PAG1: variants seen among roughly 807,000 people sequenced by gnomAD.
PAG1 encodes phosphoprotein membrane anchor with glycosphingolipid microdomains 1, also known as phosphoprotein associated with glycosphingolipid-enriched microdomains 1.
PAG1 carries 23 observed loss-of-function variants against 31.7 expected under a neutral mutation model. The ratio of observed to expected loss-of-function variants is 0.73; its 90% CI spans 0.52 to 1.03. The LOEUF is 1.03. Among genes scored for constraint, PAG1 ranks in the 50% least tolerant of loss-of-function variants. The probability of loss-of-function intolerance (pLI) is 0.00; values close to 1 mark genes in which losing one functional copy is unlikely to be tolerated. For missense variants in PAG1, 473 were observed against 540.7 expected (o/e 0.87, Z 1.24); for synonymous variants, 214 against 210.3 (o/e 1.02, Z -0.15).
In PAG1 at chr8:80,973,429, T is replaced by C. The variant is rs545256687; in HGVS notation, c.*3115A>G. 6.6e-6 allele frequency: 1 copy of C among 152,312 alleles called. No homozygotes were observed. The highest frequency in any genetic ancestry group is 1.5e-5 in the Non-Finnish European group (1 of 68,014). 9.4% of individuals were successfully genotyped at this position (152,312 alleles called of 1,614,324 possible). ...ACAGGTTACCCTTTCCTGCTGACTA[T>C]ACTTAAGAAATACCAAAGTAGCATA... On this transcript the variant is annotated 3_prime_UTR_variant, in exon 9 of 9. Coordinates refer to ENST00000220597, the MANE Select transcript of PAG1 (RefSeq NM_018440.4).
chr8:80,992,534 G>C (rs913504762), intron 4 of PAG1, among the ~76,000 whole-genome samples: 1 of 152,170 alleles, frequency 6.6e-6, no homozygotes, highest in African/African-American at 2.4e-5. Context: ...GATTTCTCTT[G>C]TTGGGGGTAC....
rs146584093 is a variant in PAG1, at chr8:80,994,570, C to A, written c.-80-1263G>T. Among the ~76,000 whole-genome samples the A allele has an allele frequency of 4.6e-3, 700 of 152,246 alleles. 4 individuals carry two copies. The highest frequency in any genetic ancestry group is 0.013 in the African/African-American group (520 of 41,536). On this transcript the variant is annotated intron_variant, in intron 3 of 8. Transcript: ENST00000220597. Reference sequence around the variant, plus strand: ...CCTGAGTGTCACAGGAGCTAAGTGGCAGGGAGGGATGAGTCCAGCTGTCTC... The same window carrying A: ...CCTGAGTGTCACAGGAGCTAAGTGGAAGGGAGGGATGAGTCCAGCTGTCTC...
chr8:80,976,932 A>G, intron 8 of PAG1, 26 bp from the exon 9 acceptor site: 6 of 1,570,622 alleles, frequency 3.8e-6, no homozygotes, highest in Non-Finnish European at 5.2e-6. Flanking sequence ...AGAGTTGAAT[A>G]AACTTCCAGC....
At chr8:81,006,637 T>C (rs1807882180) in intron 3 of PAG1, among the ~76,000 whole-genome samples, 1 of 152,192 alleles carries the variant, frequency 6.6e-6, no homozygotes, top group Non-Finnish European at 1.5e-5. Context: ...TGAACATCTT[T>C]AAAATCACAC....
At chr8:81,027,681 G>A (rs187523805) in intron 3 of PAG1, among the ~76,000 whole-genome samples, 5 of 152,156 alleles carry the variant, frequency 3.3e-5, no homozygotes, top group East Asian at 1.9e-4. Flanking sequence ...CGAGGCAGGC[G>A]GATCACGAAG....
intron 1 of PAG1, among the ~76,000 whole-genome samples, chr8:81,077,754 G>A (rs74641813): frequency 6.6e-6 from 1 of 152,176 alleles, no homozygotes; most frequent in Non-Finnish European, 1.5e-5. Flanking sequence ...TGGAGTAAAG[G>A]TTTGAAAATA....
chr8:81,064,806 C>T (rs577873761), intron 2 of PAG1, among the ~76,000 whole-genome samples: 2 of 152,270 alleles, frequency 1.3e-5, no homozygotes, highest in Middle Eastern at 3.4e-3. Context: ...GGGAAAAACT[C>T]GAAGACACTG....
At chr8:81,013,132 T>C (rs1170202921) in intron 3 of PAG1, among the ~76,000 whole-genome samples, 1 of 152,230 alleles carries the variant, frequency 6.6e-6, no homozygotes, top group Non-Finnish European at 1.5e-5. Flanking sequence ...TGCCAAATTA[T>C]GGTAACCACA....
intron 1 of PAG1, among the ~76,000 whole-genome samples, chr8:81,075,151 G>T (rs1369572504): frequency 6.6e-6 from 1 of 152,192 alleles, no homozygotes; most frequent in Non-Finnish European, 1.5e-5. Flanking sequence ...GTAATTCCAT[G>T]TGTCCATATA....
At chr8:81,023,101 A>G (rs963947657) in intron 3 of PAG1, among the ~76,000 whole-genome samples, 5 of 152,180 alleles carry the variant, frequency 3.3e-5, no homozygotes, top group East Asian at 1.9e-4. Context: ...TTTATGGCAC[A>G]TAAGAAGTGC....
At chr8:81,054,707 C>T (rs1476074580) in intron 2 of PAG1, among the ~76,000 whole-genome samples, 1 of 151,976 alleles carries the variant, frequency 6.6e-6, no homozygotes, top group Non-Finnish European at 1.5e-5. Context: ...TATTAATATT[C>T]CTATCAATCC....
intron 3 of PAG1, among the ~76,000 whole-genome samples, chr8:80,999,970 T>C (rs1807755345): frequency 6.6e-6 from 1 of 152,146 alleles, no homozygotes; most frequent in Non-Finnish European, 1.5e-5. Flanking sequence ...ACGTATCACA[T>C]GCACTCTGAC....
chr8:81,071,898 C>T (rs1240485432), intron 1 of PAG1, among the ~76,000 whole-genome samples: 3 of 152,214 alleles, frequency 2.0e-5, no homozygotes, highest in Non-Finnish European at 4.4e-5. Flanking sequence ...GGCATTGTGA[C>T]AATTTCCCCA....
Position 80,968,526 on chromosome 8 carries a change from A to T in PAG1, c.*8018T>A, listed in dbSNP as rs1807010433. 6.6e-6 allele frequency: 1 copy of T among 152,232 alleles called. No homozygotes were observed. Among genetic ancestry groups the T allele is most frequent in the African/African-American group, 2.4e-5 (1 of 41,464 alleles). 9.4% of individuals were successfully genotyped at this position (152,232 alleles called of 1,614,324 possible). On this transcript the variant is annotated 3_prime_UTR_variant, in exon 9 of 9. Coordinates refer to ENST00000220597, the MANE Select transcript of PAG1 (RefSeq NM_018440.4). ...AAGTGCATTTTTTTCACCCATAAAAATTTTTGAAATACTATGAGCAAGATA... is the reference window on the plus strand; with the variant it reads ...AAGTGCATTTTTTTCACCCATAAAATTTTTTGAAATACTATGAGCAAGATA...
At chr8:81,105,178 G>A (rs748962256) in intron 1 of PAG1, among the ~76,000 whole-genome samples, 31 of 152,152 alleles carry the variant, frequency 2.0e-4, no homozygotes, top group Non-Finnish European at 3.8e-4. Flanking sequence ...ACCCCTGACG[G>A]AGCCAAGCAT....
chr8:81,082,402 G>C (rs1344662570), intron 1 of PAG1, among the ~76,000 whole-genome samples: 7 of 152,036 alleles, frequency 4.6e-5, no homozygotes, highest in Non-Finnish European at 8.8e-5. Flanking sequence ...ATTGGCGGGG[G>C]AGCCATTATT....
At chr8:81,050,019 G>A (rs182735562) in intron 2 of PAG1, among the ~76,000 whole-genome samples, 1 of 152,124 alleles carries the variant, frequency 6.6e-6, no homozygotes, top group East Asian at 1.9e-4. Context: ...GACACAGGAT[G>A]GCATGTTTAA....
At chr8:81,065,790 T>C (rs1808994783) in intron 2 of PAG1, among the ~76,000 whole-genome samples, 1 of 151,110 alleles carries the variant, frequency 6.6e-6, no homozygotes, top group Non-Finnish European at 1.5e-5. Flanking sequence ...GTATTTTATA[T>C]ATATATGTAT....
intron 1 of PAG1, among the ~76,000 whole-genome samples, chr8:81,083,001 ATTATG>A (rs367747638): frequency 1.6e-4 from 24 of 150,756 alleles, no homozygotes; most frequent in Admixed American, 5.3e-4. Flanking sequence ...CATTTTGGGT[ATTATG>A]TTATGAGACT....
Sources: gnomAD v4.1 joint callset for allele counts (sites outside exome capture counted in the v4.1 genomes callset) on GRCh38, gnomAD v4.1.1 for gene constraint, MANE v1.5 for transcripts, NCBI Gene and HGNC (gene_info 2026-07-23, HGNC 2026-07-21) for gene names.